CALN1: variants seen among roughly 807,000 people sequenced by gnomAD.
CALN1 encodes calcium-binding protein 8.
In CALN1, 17 loss-of-function variants were observed where a neutral mutation model predicts 30.6. That is an observed-to-expected ratio of 0.56 (90% confidence interval 0.38 to 0.83). CALN1 has a LOEUF of 0.83. Among genes scored for constraint, CALN1 ranks in the 40% least tolerant of loss-of-function variants. The probability of loss-of-function intolerance (pLI) is 0.00; values close to 1 mark genes in which losing one functional copy is unlikely to be tolerated. For missense variants in CALN1, 291 were observed against 354.9 expected (o/e 0.82, Z 1.45); for synonymous variants, 156 against 131.4 (o/e 1.19, Z -1.28).
intron 5 of CALN1, among the ~76,000 whole-genome samples, chr7:71,871,817 T>G (rs1467657607): frequency 6.6e-6 from 1 of 152,132 alleles, no homozygotes; most frequent in African/African-American, 2.4e-5. Flanking sequence ...ATTCTCAGAT[T>G]TATATAAATG....
chr7:72,416,274 A>G (rs1562961145), upstream of CALN1, among the ~76,000 whole-genome samples: 1 of 152,244 alleles, frequency 6.6e-6, no homozygotes, highest in Admixed American at 6.5e-5. Flanking sequence ...TATAATTAGA[A>G]GTGGGTATAA....
At chr7:72,404,968 T>C (rs1432482974) in intron 1 of CALN1, among the ~76,000 whole-genome samples, 1 of 152,144 alleles carries the variant, frequency 6.6e-6, no homozygotes, top group Non-Finnish European at 1.5e-5. Context: ...ACCAACTAGA[T>C]GCTTTGTAAT....
chr7:72,080,733 GC>G (rs1805079871), intron 4 of CALN1, among the ~76,000 whole-genome samples: 2 of 152,184 alleles, frequency 1.3e-5, no homozygotes, highest in South Asian at 4.1e-4. Context: ...CACCCTGTAT[GC>G]TCTGATAGGT....
intron 5 of CALN1, among the ~76,000 whole-genome samples, chr7:71,919,794 G>C (rs1252036456): frequency 6.6e-6 from 1 of 152,144 alleles, no homozygotes; most frequent in Non-Finnish European, 1.5e-5. Context: ...GATGCTACAA[G>C]AATCTGGTAT....
chr7:72,039,516 T>C (rs954992168), intron 4 of CALN1, among the ~76,000 whole-genome samples: 1 of 152,222 alleles, frequency 6.6e-6, no homozygotes, highest in African/African-American at 2.4e-5. Context: ...CTAATCACAT[T>C]ACAGACTTCC....
the CALN1 span, among the ~76,000 whole-genome samples, chr7:72,496,557 A>C: frequency 6.6e-6 from 1 of 152,180 alleles, no homozygotes; most frequent in Non-Finnish European, 1.5e-5. Flanking sequence ...AGCACTCTTC[A>C]ATTTGTTTGG....
chr7:72,159,946 T>A (rs560613113), intron 3 of CALN1, among the ~76,000 whole-genome samples: 9 of 152,326 alleles, frequency 5.9e-5, no homozygotes, highest in African/African-American at 2.2e-4. Flanking sequence ...CATTAATCAC[T>A]GTGTCAGGGA....
chr7:72,043,204 T>G (rs1802240376), intron 4 of CALN1, among the ~76,000 whole-genome samples: 1 of 152,104 alleles, frequency 6.6e-6, no homozygotes, highest in African/African-American at 2.4e-5. Context: ...TTGCTTCTGT[T>G]CATGGAATTT....
chr7:71,972,993 G>T (rs771503069), intron 5 of CALN1, among the ~76,000 whole-genome samples: 5 of 152,064 alleles, frequency 3.3e-5, no homozygotes, highest in Non-Finnish European at 7.4e-5. Flanking sequence ...TGAGAGAATT[G>T]TCCTCCAAAG....
chr7:71,827,231 C>T (rs935176022), intron 5 of CALN1, among the ~76,000 whole-genome samples: 8 of 152,110 alleles, frequency 5.3e-5, no homozygotes, highest in Non-Finnish European at 8.8e-5. Flanking sequence ...GGTCCTCCGG[C>T]GGCAAATCTG....
intron 1 of CALN1, among the ~76,000 whole-genome samples, chr7:72,439,983 T>C (rs563067885): frequency 2.0e-5 from 3 of 152,290 alleles, no homozygotes; most frequent in East Asian, 3.9e-4. Flanking sequence ...CATGTATAAG[T>C]GGCCCCTTAT....
chr7:72,493,353 C>A, the CALN1 span, among the ~76,000 whole-genome samples: 1 of 147,138 alleles, frequency 6.8e-6, no homozygotes, highest in African/African-American at 2.5e-5. Context: ...TTTTTTTTTC[C>A]TTTGAGACAA....
chr7:72,191,767 A>G (rs1790626740), intron 3 of CALN1, among the ~76,000 whole-genome samples: 1 of 152,140 alleles, frequency 6.6e-6, no homozygotes. Flanking sequence ...TGACTGTTCT[A>G]GAAGTCAAAG....
chr7:72,469,546 A>G, the CALN1 span, among the ~76,000 whole-genome samples: 114,250 of 151,994 alleles, frequency 0.75, 43,086 homozygotes, highest in Middle Eastern at 0.78. Flanking sequence ...ACAGGCACAC[A>G]CCACCACGTC....
upstream of CALN1, among the ~76,000 whole-genome samples, chr7:72,416,614 A>G (rs1807427405): frequency 1.3e-5 from 2 of 151,956 alleles, no homozygotes; most frequent in Admixed American, 6.5e-5. Context: ...GTGTGCCTGT[A>G]ATCCCAGCTA....
intron 2 of CALN1, among the ~76,000 whole-genome samples, chr7:72,291,753 C>T (rs957393908): frequency 6.6e-6 from 1 of 152,168 alleles, no homozygotes; most frequent in African/African-American, 2.4e-5. Flanking sequence ...GCTGGGATGA[C>T]AGGCATGTAC....
intron 5 of CALN1, among the ~76,000 whole-genome samples, chr7:72,016,077 C>T (rs1329812033): frequency 1.3e-5 from 2 of 151,958 alleles, no homozygotes; most frequent in Admixed American, 6.6e-5. Flanking sequence ...GGTGAAACCC[C>T]GTCTCTAACA....
intron 5 of CALN1, among the ~76,000 whole-genome samples, chr7:71,873,113 C>T (rs1177977636): frequency 6.7e-6 from 1 of 150,232 alleles, no homozygotes; most frequent in African/African-American, 2.5e-5. Context: ...AAGCGATTCT[C>T]CTGCCTCAGC....
intron 2 of CALN1, among the ~76,000 whole-genome samples, chr7:72,339,191 T>C (rs1212460605): frequency 6.6e-6 from 1 of 152,218 alleles, no homozygotes; most frequent in Non-Finnish European, 1.5e-5. Context: ...ATTGTGTACA[T>C]GTCCCACATT....
Sources: gnomAD v4.1 joint callset for allele counts (sites outside exome capture counted in the v4.1 genomes callset) on GRCh38, gnomAD v4.1.1 for gene constraint, MANE v1.5 for transcripts, NCBI Gene and HGNC (gene_info 2026-07-23, HGNC 2026-07-21) for gene names.